The following GALNT11 variants were observed in gnomAD, a reference collection of about 807,000 sequenced individuals.
GALNT11 encodes the protein polypeptide N-acetylgalactosaminyltransferase 11, also known as UDP-GalNAc:polypeptide N-acetylgalactosaminyltransferase 11.
A neutral mutation model predicts 72.7 loss-of-function variants in GALNT11; 47 were observed. The ratio of observed to expected loss-of-function variants is 0.65; its 90% confidence interval spans 0.51 to 0.82. GALNT11 has a LOEUF of 0.82. GALNT11 is among the 40% of genes least tolerant of loss of function. The probability of loss-of-function intolerance (pLI) is 0.00; values close to 1 mark genes in which losing one functional copy is unlikely to be tolerated. For missense variants in GALNT11, 677 were observed against 778.4 expected, an observed-to-expected ratio of 0.87 and a Z score of 1.55; for synonymous variants, 270 against 286.6, an observed-to-expected ratio of 0.94 and a Z score of 0.58.
At chr7:152,067,374 TG>T (rs1276386355) in intron 1 of GALNT11, among the ~76,000 whole-genome samples, 5 of 152,226 alleles carry the variant, frequency 3.3e-5, no homozygotes, top group Non-Finnish European at 4.4e-5. Context: ...CTAAATTATT[TG>T]GAATTCTGTG....
intron 1 of GALNT11, among the ~76,000 whole-genome samples, chr7:152,078,929 A>G (rs1464759180): frequency 6.6e-6 from 1 of 152,222 alleles, no homozygotes; most frequent in Admixed American, 6.5e-5. Context: ...ATGGGCAGTC[A>G]GGGGGCAGAG....
chr7:152,068,205 A>C (rs1487802072), intron 1 of GALNT11, among the ~76,000 whole-genome samples: 1 of 152,144 alleles, frequency 6.6e-6, no homozygotes, highest in African/African-American at 2.4e-5. Context: ...GCCCCTGACT[A>C]CTACTGATCT....
intron 1 of GALNT11, among the ~76,000 whole-genome samples, chr7:152,052,099 C>G (rs2083433779): frequency 6.6e-6 from 1 of 152,134 alleles, no homozygotes; most frequent in African/African-American, 2.4e-5. Flanking sequence ...CTCATATAAG[C>G]AGAATTGTAC....
At chr7:152,117,527 A>C (rs1197182760) in intron 9 of GALNT11, 152 bp downstream of exon 9, 1 of 734,884 alleles carries the variant, frequency 1.4e-6, no homozygotes, top group East Asian at 2.7e-5. Context: ...CTTTATGGGA[A>C]CTTCTCTACG....
intron 1 of GALNT11, among the ~76,000 whole-genome samples, chr7:152,054,435 CATTTTTTTTA>C (rs1270864430): frequency 6.8e-6 from 1 of 147,870 alleles, no homozygotes; most frequent in Non-Finnish European, 1.5e-5. Context: ...GTGATCTTTC[CATTTTTTTTA>C]ATTGTGGTAA....
chr7:152,113,486 T>G (rs1285490953), intron 8 of GALNT11, 88 bp downstream of exon 8: 1 of 1,470,854 alleles, frequency 6.8e-7, no homozygotes, highest in Non-Finnish European at 9.3e-7. Context: ...CTTTTCACTC[T>G]GGCATATTTC....
intron 1 of GALNT11, among the ~76,000 whole-genome samples, chr7:152,063,442 T>G (rs1188168780): frequency 6.6e-6 from 1 of 152,140 alleles, no homozygotes; most frequent in South Asian, 2.1e-4. Context: ...TTTTGAAGGG[T>G]TTTTTGTGTC....
At chr7:152,107,637 A>T (rs1240400767) in intron 5 of GALNT11, 1 of 166,404 alleles carries the variant, frequency 6.0e-6, no homozygotes, top group Non-Finnish European at 1.3e-5. Flanking sequence ...GATTAAAATA[A>T]TTGTAATAAA....
At chr7:152,072,212 A>G (rs191775973) in intron 1 of GALNT11, among the ~76,000 whole-genome samples, 477 of 150,940 alleles carry the variant, frequency 3.2e-3, no homozygotes, top group Non-Finnish European at 5.5e-3. Flanking sequence ...CCAGCTACTC[A>G]GGAGGCTGAG....
chr7:152,108,360 A>G (rs2087812484), intron 6 of GALNT11, 73 bp downstream of exon 6: 2 of 1,527,464 alleles, frequency 1.3e-6, no homozygotes, highest in Admixed American at 2.1e-5. Flanking sequence ...TATTAAAGAT[A>G]ATTCCTCCTT....
intron 1 of GALNT11, among the ~76,000 whole-genome samples, chr7:152,082,760 G>C (rs960913096): frequency 5.3e-5 from 8 of 152,266 alleles, no homozygotes; most frequent in Non-Finnish European, 1.0e-4. Context: ...CTCTCCTTTG[G>C]TTTTTACACA....
chr7:152,100,996 G>C, intron 3 of GALNT11, 75 bp downstream of exon 3: 4 of 1,559,466 alleles, frequency 2.6e-6, no homozygotes, highest in Non-Finnish European at 3.5e-6. Context: ...AGGTCACGAG[G>C]ACGGGGTTCA....
At chr7:152,108,011 C>G (rs763582255) in intron 5 of GALNT11, 27 bp from the exon 6 acceptor site, 1 of 1,592,388 alleles carries the variant, frequency 6.3e-7, no homozygotes, top group Non-Finnish European at 8.6e-7. Flanking sequence ...GTGACACTCT[C>G]CTGAGCCTCT....
intron 1 of GALNT11, among the ~76,000 whole-genome samples, chr7:152,056,882 G>A (rs2083708979): frequency 6.6e-6 from 1 of 151,850 alleles, no homozygotes. Flanking sequence ...ACCTACTCAG[G>A]CTGGAGTGCA....
At chr7:152,070,763 G>A (rs2084588973) in intron 1 of GALNT11, among the ~76,000 whole-genome samples, 1 of 152,122 alleles carries the variant, frequency 6.6e-6, no homozygotes, top group South Asian at 2.1e-4. Flanking sequence ...CATTTCTGAG[G>A]GGACCATTAT....
At chr7:152,087,075 C>T (rs978404504) in intron 1 of GALNT11, among the ~76,000 whole-genome samples, 26 of 152,150 alleles carry the variant, frequency 1.7e-4, no homozygotes, top group South Asian at 4.2e-4. Flanking sequence ...CTATATTCTA[C>T]GCATTATTAT....
chr7:152,061,248 G>A (rs2083997735), intron 1 of GALNT11, among the ~76,000 whole-genome samples: 1 of 152,156 alleles, frequency 6.6e-6, no homozygotes, highest in African/African-American at 2.4e-5. Flanking sequence ...TTTTTCATGT[G>A]TCTATTGTCT....
chr7:152,034,674 G>A (rs887179799), intron 1 of GALNT11, among the ~76,000 whole-genome samples: 10 of 152,072 alleles, frequency 6.6e-5, no homozygotes, highest in South Asian at 2.1e-4. Flanking sequence ...TGCACTCACC[G>A]ATGCAGCAGC....
intron 4 of GALNT11, chr7:152,104,369 T>G (rs1456188268): frequency 6.6e-6 from 1 of 152,158 alleles, no homozygotes; most frequent in Non-Finnish European, 1.5e-5. Context: ...TGTATCAACA[T>G]CAGAGTTGGT....
Sources: gnomAD v4.1 joint callset for allele counts (sites outside exome capture counted in the v4.1 genomes callset) on GRCh38, gnomAD v4.1.1 for gene constraint, MANE v1.5 for transcripts, NCBI Gene and HGNC (gene_info 2026-07-23, HGNC 2026-07-21) for gene names.